Variants in FAM107B observed in about 807,000 individuals in gnomAD.
FAM107B encodes family with sequence similarity 107 member B.
A neutral mutation model predicts 31.5 loss-of-function variants in FAM107B; 21 were observed. The observed-to-expected ratio is 0.67, with a 90% CI of 0.47 to 0.96. FAM107B has a LOEUF of 0.96. Ranked by LOEUF, FAM107B falls within the 40% of genes least tolerant of loss-of-function variation. FAM107B has a pLI of 0.00. For missense variants in FAM107B, 452 were observed against 377.1 expected (o/e 1.20, Z -1.64); for synonymous variants, 157 against 141.5 (o/e 1.11, Z -0.78).
intron 2 of FAM107B, chr10:14,604,144 G>T: frequency 2.6e-6 from 1 of 383,768 alleles, no homozygotes; most frequent in Non-Finnish European, 3.5e-6. Context: ...CCCGCCCGCC[G>T]AGAGGGTCCC....
intron 2 of FAM107B, among the ~76,000 whole-genome samples, chr10:14,577,169 T>C (rs1851491184): frequency 6.6e-6 from 1 of 152,216 alleles, no homozygotes; most frequent in East Asian, 1.9e-4. Context: ...ACTGAGACAA[T>C]ATTCTAATTG....
At chr10:14,680,635 G>C (rs796573678) in intron 1 of FAM107B, among the ~76,000 whole-genome samples, 1 of 151,370 alleles carries the variant, frequency 6.6e-6, no homozygotes, top group African/African-American at 2.4e-5. Flanking sequence ...CTCCTGCAAG[G>C]ATTCCTCATC....
chr10:14,609,412 G>T (rs1288682754), intron 2 of FAM107B, among the ~76,000 whole-genome samples: 1 of 152,132 alleles, frequency 6.6e-6, no homozygotes, highest in Non-Finnish European at 1.5e-5. Context: ...TCAGTTCTTT[G>T]TGGTTATAGG....
intron 1 of FAM107B, among the ~76,000 whole-genome samples, chr10:14,717,297 A>G (rs950640484): frequency 1.3e-5 from 2 of 152,144 alleles, no homozygotes; most frequent in Non-Finnish European, 2.9e-5. Flanking sequence ...GAGGGACAGA[A>G]CCAATCAGAT....
At chr10:14,750,839 C>T (rs1363396645) in intron 1 of FAM107B, among the ~76,000 whole-genome samples, 1 of 152,082 alleles carries the variant, frequency 6.6e-6, no homozygotes, top group Non-Finnish European at 1.5e-5. Flanking sequence ...GAAGGGGGCT[C>T]CAAGGGTGGC....
At chr10:14,752,931 CAAA>C (rs5783419) in intron 1 of FAM107B, among the ~76,000 whole-genome samples, 4 of 142,734 alleles carry the variant, frequency 2.8e-5, no homozygotes, top group African/African-American at 2.6e-5. Flanking sequence ...GACCCTGTCT[CAAA>C]AAAAAAAAAA....
chr10:14,651,311 T>C (rs1853891519), intron 2 of FAM107B, among the ~76,000 whole-genome samples: 1 of 152,118 alleles, frequency 6.6e-6, no homozygotes, highest in Non-Finnish European at 1.5e-5. Flanking sequence ...GTGGATAAGA[T>C]ATATCCACAC....
chr10:14,735,778 C>T (rs758151113), intron 1 of FAM107B, among the ~76,000 whole-genome samples: 1 of 152,086 alleles, frequency 6.6e-6, no homozygotes, highest in Admixed American at 6.6e-5. Context: ...CAGGGATCTG[C>T]GATTGTCCAG....
chr10:14,559,047 C>T (rs1041113004), intron 2 of FAM107B, among the ~76,000 whole-genome samples: 3 of 151,244 alleles, frequency 2.0e-5, no homozygotes, highest in African/African-American at 7.3e-5. Context: ...CCAACGCAGT[C>T]CAGCTGTGGC....
chr10:14,734,423 G>A (rs778827629), intron 1 of FAM107B, among the ~76,000 whole-genome samples: 11 of 151,888 alleles, frequency 7.2e-5, no homozygotes, highest in African/African-American at 9.7e-5. Flanking sequence ...GGTCCAGGGC[G>A]GCTTTGAAGG....
In FAM107B at chr10:14,613,823, C is replaced by T. The variant is rs139038047; in HGVS notation, c.469+53811G>A. Among the ~76,000 whole-genome samples the T allele has an allele frequency of 6.8e-3, 1,037 of 152,274 alleles. 11 individuals are homozygous for T. Among genetic ancestry groups the T allele is most frequent in the Non-Finnish European group, 9.5e-3 (649 of 68,014 alleles). On this transcript the variant is annotated intron_variant, in intron 2 of 4. Coordinates refer to ENST00000181796, the MANE Select transcript of FAM107B (RefSeq NM_031453.4). Reference sequence around the variant, plus strand: ...TTTTCCCTCAAAGCTGGACGACTGGCTTTTCTTTTATTAAAATTCAAAGTC... The same window carrying T: ...TTTTCCCTCAAAGCTGGACGACTGGTTTTTCTTTTATTAAAATTCAAAGTC...
intron 1 of FAM107B, among the ~76,000 whole-genome samples, chr10:14,707,304 T>C (rs1222651302): frequency 6.6e-6 from 1 of 152,126 alleles, no homozygotes; most frequent in Non-Finnish European, 1.5e-5. Flanking sequence ...CCTAAGTGAG[T>C]TCAGGGGCTG....
chr10:14,636,654 G>A (rs763028224), intron 2 of FAM107B, among the ~76,000 whole-genome samples: 3 of 152,024 alleles, frequency 2.0e-5, no homozygotes, highest in Non-Finnish European at 2.9e-5. Context: ...ACAGTTACAT[G>A]GCGAAGGAAG....
intron 2 of FAM107B, among the ~76,000 whole-genome samples, chr10:14,540,519 C>T (rs1239572193): frequency 1.3e-5 from 2 of 152,300 alleles, no homozygotes; most frequent in East Asian, 3.9e-4. Context: ...GCGAAGGCAG[C>T]CCCTGGACCA....
At chr10:14,555,702 T>C (rs1400239106) in intron 2 of FAM107B, 1 of 152,248 alleles carries the variant, frequency 6.6e-6, no homozygotes, top group Admixed American at 6.5e-5. Flanking sequence ...ACATCATGGC[T>C]TTATCAAAGA....
chr10:14,745,217 G>C (rs1832700723), intron 1 of FAM107B, among the ~76,000 whole-genome samples: 3 of 151,742 alleles, frequency 2.0e-5, no homozygotes, highest in Admixed American at 6.6e-5. Flanking sequence ...AGTCTAGTTA[G>C]TGGTCTATTT....
Position 14,736,064 on chromosome 10 carries a change from C to T in FAM107B, c.411+38189G>A, listed in dbSNP as rs1344652430. On this transcript the variant is annotated intron_variant, in intron 1 of 4. Transcript: ENST00000181796. The stretch of plus-strand genomic sequence containing the variant: ...GGAAAAGGGAAAAGAAGAGGGGGAG[C>T]GAGCAGATAACAAAGATGGAAGTCC... 3.3e-5 allele frequency among the ~76,000 whole-genome samples: 5 copies of T among 152,090 alleles called. No individual in the cohort carries two copies. The South Asian group carries it at 1.0e-3, about 32-fold the overall frequency.
At chr10:14,522,097 A>C (rs892786127) in intron 3 of FAM107B, 78 bp from the exon 4 acceptor site, 39 of 1,533,724 alleles carry the variant, frequency 2.5e-5, no homozygotes, top group Non-Finnish European at 3.1e-5. Context: ...TTAACTTACA[A>C]TATCAACCAC....
intron 1 of FAM107B, among the ~76,000 whole-genome samples, chr10:14,701,839 G>T (rs1855406107): frequency 6.6e-6 from 1 of 152,166 alleles, no homozygotes; most frequent in South Asian, 2.1e-4. Flanking sequence ...AAGAGCAGGG[G>T]AGTCCCTGGA....
Sources: allele counts gnomAD v4.1 joint callset (sites outside exome capture counted in the v4.1 genomes callset), GRCh38; gene constraint gnomAD v4.1.1; transcripts MANE v1.5; gene names NCBI Gene and HGNC (gene_info 2026-07-23, HGNC 2026-07-21).